The following DUSP19 variants were observed in gnomAD, a reference collection of about 807,000 sequenced individuals.
The protein encoded by DUSP19 is dual specificity protein phosphatase 19.
Under a neutral mutation model 16.6 loss-of-function variants are expected in DUSP19, and 14 were observed. The observed-to-expected ratio is 0.84, with a 90% CI of 0.56 to 1.32. The LOEUF (loss-of-function observed/expected upper bound fraction) is 1.32, where lower values mean the gene tolerates loss of function less well. Among genes scored for constraint, DUSP19 ranks in the 40% most tolerant of loss-of-function variants. The probability of loss-of-function intolerance (pLI) is 0.00; values close to 1 mark genes in which losing one functional copy is unlikely to be tolerated. For synonymous variants in DUSP19, 81 were observed against 90.5 expected, an observed-to-expected ratio of 0.90 and a Z score of 0.59; for missense variants, 258 against 255.9, an observed-to-expected ratio of 1.01 and a Z score of -0.06.
intron 3 of DUSP19, among the ~76,000 whole-genome samples, 192 bp from the exon 4 acceptor site, chr2:183,095,239 T>C (rs1234415865): frequency 1.3e-5 from 2 of 152,122 alleles, no homozygotes; most frequent in African/African-American, 4.8e-5. Context: ...TACAGGTTGA[T>C]TGATTGATTG....
intron 2 of DUSP19, among the ~76,000 whole-genome samples, chr2:183,086,661 A>AAAG (rs1373743960): frequency 6.6e-6 from 1 of 150,618 alleles, no homozygotes; most frequent in Non-Finnish European, 1.5e-5. Flanking sequence ...GAAAAAAAAA[A>AAAG]AAAAAAAAAA....
Position 183,078,892 on chromosome 2 carries a change from T to G in DUSP19, c.-42T>G. 6.3e-7 allele frequency: 1 copy of G among 1,590,180 alleles called. No individual in the cohort carries two copies. The highest frequency in any genetic ancestry group is 1.1e-5 in the South Asian group (1 of 89,390). ...TAGCAGTTCAGCCGTTTTCTATGCC[T>G]GCTGGATTTGTTTGTATTTGTTCCC... On this transcript the variant is annotated 5_prime_UTR_variant, in exon 1 of 4. Transcript: ENST00000354221.
At chr2:183,082,770 C>A (rs1699608637) in intron 1 of DUSP19, among the ~76,000 whole-genome samples, 1 of 151,860 alleles carries the variant, frequency 6.6e-6, no homozygotes, top group Non-Finnish European at 1.5e-5. Flanking sequence ...TTTCTTCTTT[C>A]TCTCTTTCTC....
At chr2:183,090,133 GA>G (rs1699714565) in intron 3 of DUSP19, among the ~76,000 whole-genome samples, 1 of 152,036 alleles carries the variant, frequency 6.6e-6, no homozygotes, top group Non-Finnish European at 1.5e-5. Flanking sequence ...TTTTTTTTAA[GA>G]AAAGATCTCT....
At chr2:183,086,254 A>G (rs1699660463) in intron 2 of DUSP19, among the ~76,000 whole-genome samples, 1 of 152,180 alleles carries the variant, frequency 6.6e-6, no homozygotes, top group African/African-American at 2.4e-5. Flanking sequence ...TATAAAGTAA[A>G]GAATATGAAG....
chr2:183,081,984 T>C (rs1699597614), intron 1 of DUSP19, among the ~76,000 whole-genome samples: 1 of 152,214 alleles, frequency 6.6e-6, no homozygotes, highest in African/African-American at 2.4e-5. Flanking sequence ...GACTAGTTAT[T>C]CTCCATATGA....
intron 3 of DUSP19, among the ~76,000 whole-genome samples, chr2:183,092,566 T>C (rs1240696047): frequency 6.6e-6 from 1 of 152,170 alleles, no homozygotes; most frequent in East Asian, 1.9e-4. Flanking sequence ...GCAAAGGACA[T>C]GATCTCATTC....
chr2:183,080,084 C>T (rs1459905840), intron 1 of DUSP19, among the ~76,000 whole-genome samples: 1 of 152,152 alleles, frequency 6.6e-6, no homozygotes, highest in Non-Finnish European at 1.5e-5. Context: ...GGTAACACAC[C>T]TGGTAAATAA....
Position 183,087,044 on chromosome 2 carries a change from C to A in DUSP19, c.278C>A (p.Thr93Asn). Reference sequence around the variant, plus strand: ...TCTTTTTTCTTTCTCTTTAAGGTGACTCATATTCTTAATGTTGCATATGGA... The same window carrying A: ...TCTTTTTTCTTTCTCTTTAAGGTGAATCATATTCTTAATGTTGCATATGGA... ...DLDTLKKNKV[T>N]HILNVAYGVE... The change falls in exon 3 of 4, where the codon ACT (threonine) becomes AAT (asparagine). Residue 93 changes from threonine to asparagine, a missense_variant. Physicochemically the swap from Thr to Asn is moderately conservative, Grantham distance 65 (BLOSUM62 0). Coordinates refer to ENST00000354221, the MANE Select transcript of DUSP19 (RefSeq NM_080876.4). 1 of 1,609,428 alleles carries A rather than the reference C, an allele frequency of 6.2e-7. No homozygotes were observed. Among genetic ancestry groups the A allele is most frequent in the South Asian group, 1.1e-5 (1 of 90,038 alleles).
Position 183,095,806 on chromosome 2 carries a change from A to G in DUSP19, c.*148A>G. 1.9e-6 allele frequency: 1 copy of G among 514,790 alleles called. No homozygotes were observed. The highest frequency in any genetic ancestry group is 3.4e-6 in the Non-Finnish European group (1 of 292,154). The allele number at this position is 514,790 out of a possible 1,614,324, so 31.9% of individuals were successfully genotyped here. A position where few individuals can be genotyped will look rare whatever the true frequency, so the allele number is the denominator to read the frequency against. ...AATGGAGGTCAATTTGATTGTCCTG[A>G]CCTACTGTATAAGTAAATTTCAAAT... is the stretch of plus-strand genomic sequence containing the variant. On this transcript the variant is annotated 3_prime_UTR_variant, in exon 4 of 4. Coordinates refer to ENST00000354221, the MANE Select transcript of DUSP19 (RefSeq NM_080876.4).
intron 2 of DUSP19, among the ~76,000 whole-genome samples, chr2:183,084,733 A>G (rs912768919): frequency 1.4e-4 from 21 of 152,242 alleles, no homozygotes; most frequent in African/African-American, 4.3e-4. Flanking sequence ...TCTCATTAGA[A>G]GCAGTGTGGA....
intron 3 of DUSP19, 141 bp from the exon 4 acceptor site, chr2:183,095,290 A>G: frequency 1.4e-6 from 1 of 727,238 alleles, no homozygotes; most frequent in Non-Finnish European, 2.1e-6. Context: ...TTTTATTTCA[A>G]TAATCAAATA....
At chr2:183,092,789 C>T (rs1302672249) in intron 3 of DUSP19, among the ~76,000 whole-genome samples, 3 of 150,380 alleles carry the variant, frequency 2.0e-5, no homozygotes, top group Non-Finnish European at 3.0e-5. Context: ...CTGCAACTTC[C>T]GCCTCCTGAG....
chr2:183,094,832 A>G (rs1269876922), intron 3 of DUSP19, among the ~76,000 whole-genome samples: 2 of 152,216 alleles, frequency 1.3e-5, no homozygotes, highest in African/African-American at 4.8e-5. Flanking sequence ...TTTGCAAGCC[A>G]TTGACACTAG....
chr2:183,083,260 T>C (rs1699617790), intron 1 of DUSP19: 2 of 400,294 alleles, frequency 5.0e-6, no homozygotes, highest in Non-Finnish European at 8.9e-6. Flanking sequence ...AACAATACTA[T>C]GGTGAACATC....
chr2:183,079,416 T>C (rs751672786), intron 1 of DUSP19, among the ~76,000 whole-genome samples: 31 of 152,170 alleles, frequency 2.0e-4, no homozygotes, highest in Non-Finnish European at 4.6e-4. Context: ...TTCTTCCCGT[T>C]TCTCTAACTT....
At chr2:183,088,410 G>GTTTTTTTTTTTTTTTTTTTTTTTTTTTTT (rs71008263) in intron 3 of DUSP19, among the ~76,000 whole-genome samples, 4 of 118,612 alleles carry the variant, frequency 3.4e-5, no homozygotes, top group Admixed American at 8.6e-5. Flanking sequence ...TTTTTTTTTT[G>GTTTTTTTTTTTTTTTTTTTTTTTTTTTTT]TTTTTTTTTT....
intron 1 of DUSP19, among the ~76,000 whole-genome samples, chr2:183,081,015 C>T (rs976727160): frequency 4.6e-5 from 7 of 152,138 alleles, no homozygotes; most frequent in South Asian, 2.1e-4. Flanking sequence ...CTCCTCAAAG[C>T]GACACAGCTT....
At chr2:183,083,397 C>G (rs1699618948) in intron 1 of DUSP19, 111 bp from the exon 2 acceptor site, 6 of 1,055,364 alleles carry the variant, frequency 5.7e-6, no homozygotes, top group African/African-American at 1.6e-5. Flanking sequence ...GACTAAGGTC[C>G]TTCCAAGTTG....
Sources: allele counts gnomAD v4.1 joint callset (sites outside exome capture counted in the v4.1 genomes callset), GRCh38; gene constraint gnomAD v4.1.1; transcripts MANE v1.5; gene names NCBI Gene and HGNC (gene_info 2026-07-23, HGNC 2026-07-21).